The following LMNTD1 variants were observed in gnomAD, a reference collection of about 807,000 sequenced individuals.
LMNTD1 encodes the protein lamin tail domain containing 1, also known as lamin tail domain-containing protein 1.
A neutral mutation model predicts 50.9 loss-of-function variants in LMNTD1; 35 were observed. The observed-to-expected ratio is 0.69, with a 90% CI of 0.53 to 0.91. LMNTD1 has a LOEUF of 0.91. Ranked by LOEUF, LMNTD1 falls within the 40% of genes least tolerant of loss-of-function variation. The pLI, the probability that LMNTD1 is intolerant of heterozygous loss-of-function variation, is 0.00. For missense variants in LMNTD1, 470 were observed against 475.5 expected, an observed-to-expected ratio of 0.99 and a Z score of 0.11; for synonymous variants, 153 against 161.9, an observed-to-expected ratio of 0.94 and a Z score of 0.42.
At position 25,590,564 on chromosome 12, in the gene LMNTD1, G is replaced by A. The variant is rs566384287; in HGVS notation, c.59-44010C>T. ...GGTCATGTGACCTACTGAGAAACCA[G>A]CGAGGTGTCTAAGGGGGTGCTAGCA... is the stretch of plus-strand genomic sequence containing the variant. On this transcript the variant is annotated intron_variant, in intron 1 of 7. Coordinates refer to the LMNTD1 transcript ENST00000445693. Among the ~76,000 whole-genome samples the A allele has an allele frequency of 1.6e-4, 24 of 152,326 alleles. No individual in the cohort carries two copies. In the South Asian group the frequency reaches 4.8e-3, roughly 30 times the overall value.
intron 9 of LMNTD1, among the ~76,000 whole-genome samples, chr12:25,490,119 T>C (rs1938835516): frequency 6.6e-6 from 1 of 152,226 alleles, no homozygotes; most frequent in East Asian, 1.9e-4. Flanking sequence ...TGTAATGTAT[T>C]CTTCTGTAAC....
chr12:25,641,878 C>G (rs1284296129), intron 1 of LMNTD1, among the ~76,000 whole-genome samples: 2 of 151,952 alleles, frequency 1.3e-5, no homozygotes, highest in African/African-American at 4.8e-5. Flanking sequence ...ATAAATATAT[C>G]ATTATTATTT....
rs57905082 is a variant in LMNTD1, at chr12:25,599,783, C to T, written c.58+48711G>A. On this transcript the variant is annotated intron_variant, in intron 1 of 7. Transcript: ENST00000445693. ...ATAAATAAAAACTATGAAACGCTGA[C>T]GAAAGAAATAGAAGTGGACACCAAA... Among the ~76,000 whole-genome samples the T allele has an allele frequency of 9.7e-3, 1,463 of 151,516 alleles. 27 individuals are homozygous for T. Among genetic ancestry groups the T allele is most frequent in the African/African-American group, 0.034 (1,402 of 41,402 alleles).
At chr12:25,582,914 C>T (rs553780380) in intron 1 of LMNTD1, among the ~76,000 whole-genome samples, 1 of 152,268 alleles carries the variant, frequency 6.6e-6, no homozygotes, top group African/African-American at 2.4e-5. Flanking sequence ...GTAGCACGAT[C>T]ATGGCTCACT....
At chr12:25,556,382 T>C (rs1247164063), upstream of LMNTD1, among the ~76,000 whole-genome samples, 1 of 152,222 alleles carries the variant, frequency 6.6e-6, no homozygotes, top group Non-Finnish European at 1.5e-5. Context: ...TCCAAGCTTA[T>C]ACAGCCAGTA....
chr12:25,514,374 A>G (rs1432846425), intron 8 of LMNTD1, among the ~76,000 whole-genome samples: 1 of 152,220 alleles, frequency 6.6e-6, no homozygotes, highest in Non-Finnish European at 1.5e-5. Flanking sequence ...AAAGACATAT[A>G]CAAAAAGCAA....
intron 9 of LMNTD1, among the ~76,000 whole-genome samples, chr12:25,486,971 T>G (rs1301379468): frequency 6.6e-6 from 1 of 152,094 alleles, no homozygotes; most frequent in Admixed American, 6.5e-5. Context: ...TCCTGAGTTC[T>G]AGTTTGATTG....
At chr12:25,550,081 G>T (rs998905059) in intron 2 of LMNTD1, among the ~76,000 whole-genome samples, 2 of 152,096 alleles carry the variant, frequency 1.3e-5, no homozygotes, top group Non-Finnish European at 1.5e-5. Flanking sequence ...GTGAATGTCT[G>T]CCTTCAAATA....
chr12:25,595,441 C>A (rs1334999590), intron 1 of LMNTD1, among the ~76,000 whole-genome samples: 1 of 152,088 alleles, frequency 6.6e-6, no homozygotes. Context: ...CAAAACCATG[C>A]AAACACATGG....
chr12:25,627,328 C>T lies in LMNTD1; in HGVS notation c.58+21166G>A, dbSNP rs994172366. ...CTTTTTTCTTTTTTCAGTGAAATAGCTTTGAAAAACTCTAAGCGCAGACAT... is the reference window on the plus strand; with the variant it reads ...CTTTTTTCTTTTTTCAGTGAAATAGTTTTGAAAAACTCTAAGCGCAGACAT... On this transcript the variant is annotated intron_variant, in intron 1 of 7. Coordinates refer to the LMNTD1 transcript ENST00000445693. Among the ~76,000 whole-genome samples the T allele has an allele frequency of 2.6e-5, 4 of 152,090 alleles. No homozygotes were observed. In the South Asian group the frequency reaches 8.3e-4, roughly 32 times the overall value.
intron 1 of LMNTD1, among the ~76,000 whole-genome samples, chr12:25,565,606 C>T (rs368797133): frequency 9.2e-5 from 14 of 152,136 alleles, no homozygotes; most frequent in South Asian, 4.1e-4. Flanking sequence ...AGTCCTTCTA[C>T]GTAAGAGTAG....
At chr12:25,519,306 T>C (rs548073721) in intron 7 of LMNTD1, among the ~76,000 whole-genome samples, 88 of 152,182 alleles carry the variant, frequency 5.8e-4, no homozygotes, top group South Asian at 1.7e-3. Flanking sequence ...AAAAGTGAAA[T>C]GGCGGCCGGC....
At chr12:25,602,608 T>TC (rs1946005414) in intron 1 of LMNTD1, among the ~76,000 whole-genome samples, 1 of 152,014 alleles carries the variant, frequency 6.6e-6, no homozygotes, top group Non-Finnish European at 1.5e-5. Context: ...AGTCAAAAGA[T>TC]CCAGAAGTTT....
chr12:25,487,771 A>T (rs1282797129), intron 9 of LMNTD1, among the ~76,000 whole-genome samples: 2 of 101,284 alleles, frequency 2.0e-5, no homozygotes, highest in Non-Finnish European at 3.9e-5. Context: ...AGCGGCTGGT[A>T]CCGGTTGTTC....
At chr12:25,606,317 C>T (rs1946101170) in intron 1 of LMNTD1, among the ~76,000 whole-genome samples, 2 of 152,184 alleles carry the variant, frequency 1.3e-5, no homozygotes, top group African/African-American at 4.8e-5. Flanking sequence ...TAATTGAATG[C>T]CCTTTATTTC....
At chr12:25,518,773 A>G in intron 8 of LMNTD1, 22 bp downstream of exon 8, 5 of 1,612,302 alleles carry the variant, frequency 3.1e-6, no homozygotes, top group Non-Finnish European at 3.4e-6. Flanking sequence ...TCTCCACTGG[A>G]ACAAGCACTC....
chr12:25,559,090 C>A (rs577438816), intron 1 of LMNTD1, among the ~76,000 whole-genome samples: 1 of 151,678 alleles, frequency 6.6e-6, no homozygotes, highest in East Asian at 1.9e-4. Context: ...TACATGTGTA[C>A]AACATGTGGG....
At chr12:25,552,833 G>T in intron 2 of LMNTD1, 38 bp downstream of exon 2, 1 of 1,235,944 alleles carries the variant, frequency 8.1e-7, no homozygotes, top group Non-Finnish European at 1.2e-6. Context: ...CTATAACTCA[G>T]CTCTAACTCT....
chr12:25,535,063 T>G, intron 4 of LMNTD1, among the ~76,000 whole-genome samples: 1 of 151,712 alleles, frequency 6.6e-6, no homozygotes, highest in Non-Finnish European at 1.5e-5. Flanking sequence ...GAAAAATCAA[T>G]AAAAAATGAT....
Sources: gnomAD v4.1 joint callset for allele counts (sites outside exome capture counted in the v4.1 genomes callset) on GRCh38, gnomAD v4.1.1 for gene constraint, MANE v1.5 for transcripts, NCBI Gene and HGNC (gene_info 2026-07-23, HGNC 2026-07-21) for gene names.